The following UBE2G1 variants were observed in gnomAD, a reference collection of about 807,000 sequenced individuals.
The protein encoded by UBE2G1 is ubiquitin conjugating enzyme E2 G1.
Under a neutral mutation model 22.7 loss-of-function variants are expected in UBE2G1, and 5 were observed. The ratio of observed to expected loss-of-function variants is 0.22; its 90% confidence interval spans 0.12 to 0.46. The LOEUF is 0.46. Among genes scored for constraint, UBE2G1 ranks in the 20% least tolerant of loss-of-function variants. UBE2G1 has a pLI of 0.99. For missense variants in UBE2G1, 88 were observed against 203.9 expected (o/e 0.43, Z 3.46); for synonymous variants, 74 against 67.5 (o/e 1.10, Z -0.47).
intron 4 of UBE2G1, among the ~76,000 whole-genome samples, chr17:4,287,613 T>C (rs946116912): frequency 4.6e-5 from 7 of 152,210 alleles, no homozygotes; most frequent in East Asian, 1.9e-4. Context: ...ATTTCAGTCA[T>C]AGCTTTCAAA....
intron 2 of UBE2G1, chr17:4,301,890 C>A: frequency 2.0e-6 from 1 of 493,800 alleles, no homozygotes; most frequent in Non-Finnish European, 4.0e-6. Flanking sequence ...AAGATTGAAG[C>A]TTCGTGGGGT....
At chr17:4,290,177 C>A (rs965591727) in intron 3 of UBE2G1, among the ~76,000 whole-genome samples, 1 of 151,914 alleles carries the variant, frequency 6.6e-6, no homozygotes, top group Non-Finnish European at 1.5e-5. Context: ...TGAAACTAAT[C>A]TTTTATGGTA....
intron 5 of UBE2G1, among the ~76,000 whole-genome samples, chr17:4,276,405 G>T (rs1300384810): frequency 2.0e-5 from 3 of 151,790 alleles, no homozygotes; most frequent in Admixed American, 2.0e-4. Context: ...CCCACCCACC[G>T]ATCTTCGCCT....
At chr17:4,303,927 A>C (rs1969219395) in intron 2 of UBE2G1, among the ~76,000 whole-genome samples, 1 of 152,230 alleles carries the variant, frequency 6.6e-6, no homozygotes, top group South Asian at 2.1e-4. Flanking sequence ...ACTGGTGATG[A>C]AAGGAAAAGA....
chr17:4,307,660 G>C (rs1274592562), intron 1 of UBE2G1, among the ~76,000 whole-genome samples: 1 of 152,164 alleles, frequency 6.6e-6, no homozygotes, highest in Non-Finnish European at 1.5e-5. Context: ...ATCCATCTCT[G>C]AGCACAAGGA....
chr17:4,302,864 T>C (rs1396290710), intron 2 of UBE2G1, among the ~76,000 whole-genome samples: 2 of 152,190 alleles, frequency 1.3e-5, no homozygotes, highest in Non-Finnish European at 2.9e-5. Context: ...TGAGAACTAT[T>C]TTAGCCTGTG....
chr17:4,292,329 A>T (rs1969052036), intron 3 of UBE2G1, among the ~76,000 whole-genome samples: 1 of 151,260 alleles, frequency 6.6e-6, no homozygotes, highest in Non-Finnish European at 1.5e-5. Flanking sequence ...AAAAAAAAAA[A>T]AAAACCCAAA....
chr17:4,319,206 T>C (rs1283812857), intron 1 of UBE2G1, among the ~76,000 whole-genome samples: 2 of 151,960 alleles, frequency 1.3e-5, no homozygotes, highest in Non-Finnish European at 2.9e-5. Context: ...TGAAAACATA[T>C]CCCACAACTC....
intron 1 of UBE2G1, among the ~76,000 whole-genome samples, chr17:4,358,903 G>C (rs1220796183): frequency 2.0e-5 from 3 of 151,842 alleles, no homozygotes; most frequent in African/African-American, 7.3e-5. Flanking sequence ...GGTGAGCCGA[G>C]ATCGTGCCAC....
At position 4,294,425 on chromosome 17, in the gene UBE2G1, AAAAAAAAAAAAAAAAG is replaced by A. The variant is rs1555520447; in HGVS notation, c.247+2276_247+2291del. Among the ~76,000 whole-genome samples the A allele has an allele frequency of 1.0e-4, 2 of 19,552 alleles. 1 individual carries two copies. The highest frequency in any genetic ancestry group is 0.017 in the South Asian group (2 of 118). 12.8% of individuals were successfully genotyped at this position (19,552 alleles called of 152,430 possible). On this transcript the variant is annotated intron_variant, in intron 3 of 5. Transcript: ENST00000396981. ...AGTGAGACTCCGTCTCAAAAAAAAAAAAAAAAAAAAAAAAAGAAAGAAACGAAAAGAAAAGAAAAGA... is the reference window on the plus strand; with the variant it reads ...AGTGAGACTCCGTCTCAAAAAAAAAAAAAGAAACGAAAAGAAAAGAAAAGA...
At chr17:4,285,801 AATAGCTGGGC>A (rs1456679314) in intron 4 of UBE2G1, among the ~76,000 whole-genome samples, 1 of 152,134 alleles carries the variant, frequency 6.6e-6, no homozygotes, top group African/African-American at 2.4e-5. Flanking sequence ...AATACAAAAA[AATAGCTGGGC>A]ATGGTGGCAC....
chr17:4,296,778 T>C lies in UBE2G1; in HGVS notation c.186A>G (p.Pro62=), dbSNP rs535195636. The C allele has an allele frequency of 3.0e-4, 487 of 1,613,980 alleles. 4 individuals are homozygous for C. The South Asian group carries it at 5.1e-3, about 17-fold the overall frequency. The change falls in exon 3 of 6, where the codon CCA becomes CCG. Residue 62 remains proline (P), a synonymous_variant. Transcript: ENST00000396981. The part of the protein sequence containing the change: ...GGVFKAHLTF[P]KDYPLRPPKM... ...TAGGAGGTCGGAGGGGATAATCTTT[T>C]GGGAAAGTAAGATGAGCCTTAAAAA...
intron 1 of UBE2G1, among the ~76,000 whole-genome samples, chr17:4,333,618 G>A (rs1567525856): frequency 6.6e-6 from 1 of 151,980 alleles, no homozygotes; most frequent in African/African-American, 2.4e-5. Flanking sequence ...TCAGGAGATC[G>A]AGACCATCCT....
At chr17:4,322,156 T>C (rs1201237120) in intron 1 of UBE2G1, among the ~76,000 whole-genome samples, 1 of 152,214 alleles carries the variant, frequency 6.6e-6, no homozygotes, top group African/African-American at 2.4e-5. Flanking sequence ...GTAATACAAA[T>C]ACAAGATGTT....
chr17:4,354,014 G>A (rs1304519209), intron 1 of UBE2G1, among the ~76,000 whole-genome samples: 5 of 151,860 alleles, frequency 3.3e-5, no homozygotes, highest in South Asian at 2.1e-4. Flanking sequence ...TTCCACAAAC[G>A]TCAACCTTTC....
chr17:4,353,412 G>T (rs769625526), intron 1 of UBE2G1, among the ~76,000 whole-genome samples: 2 of 150,416 alleles, frequency 1.3e-5, no homozygotes, highest in African/African-American at 4.9e-5. Context: ...AACTAGTGTC[G>T]ATCAACGAAA....
intron 1 of UBE2G1, among the ~76,000 whole-genome samples, chr17:4,327,114 G>C (rs1390294963): frequency 1.3e-5 from 2 of 152,054 alleles, no homozygotes; most frequent in Non-Finnish European, 2.9e-5. Context: ...TGACCAACAT[G>C]GCAAAACCCC....
chr17:4,301,670 G>C, intron 2 of UBE2G1: 2 of 747,344 alleles, frequency 2.7e-6, no homozygotes, highest in Middle Eastern at 2.9e-4. Flanking sequence ...AGGTTGTTTT[G>C]TTCTGGGTGG....
chr17:4,362,218 T>C (rs563928208), intron 1 of UBE2G1, among the ~76,000 whole-genome samples: 69 of 152,306 alleles, frequency 4.5e-4, no homozygotes, highest in Middle Eastern at 3.4e-3. Flanking sequence ...AGTCTAATAA[T>C]ATCCACAGAG....
Sources: gnomAD v4.1 joint callset for allele counts (sites outside exome capture counted in the v4.1 genomes callset) on GRCh38, gnomAD v4.1.1 for gene constraint, MANE v1.5 for transcripts, NCBI Gene and HGNC (gene_info 2026-07-23, HGNC 2026-07-21) for gene names.